PRKD3: variants seen among roughly 807,000 people sequenced by gnomAD.
The protein encoded by PRKD3 is serine/threonine-protein kinase D3.
PRKD3 carries 47 observed loss-of-function variants against 99.2 expected under a neutral mutation model. The observed-to-expected ratio is 0.47, with a 90% CI of 0.38 to 0.60. PRKD3 has a LOEUF of 0.60. PRKD3 is among the 20% of genes least tolerant of loss of function. The pLI, the probability that PRKD3 is intolerant of heterozygous loss-of-function variation, is 0.00. For missense variants in PRKD3, 1,019 were observed against 1,088.4 expected, an observed-to-expected ratio of 0.94 and a Z score of 0.90; for synonymous variants, 392 against 355.4, an observed-to-expected ratio of 1.10 and a Z score of -1.16.
At chr2:37,296,605 C>T (rs775813529) in intron 2 of PRKD3, among the ~76,000 whole-genome samples, 15 of 151,896 alleles carry the variant, frequency 9.9e-5, no homozygotes, top group Non-Finnish European at 1.3e-4. Context: ...TTAGAAATTA[C>T]GTAAGAGTCA....
Position 37,260,333 on chromosome 2 carries a change from C to T in PRKD3, c.1936G>A (p.Glu646Lys). The change falls in exon 15 of 19, where the codon GAA becomes AAA. Residue 646 changes from glutamate (E) to lysine (K), a missense_variant. Transcript: ENST00000234179. ...TTTTCCATTACTACAAAGACTCGTT[C>T]TGGGGTTTCAAACATACATTCCAGG... ...VNLECMFETPERVFVVMEKLH... is the reference protein window; with the variant it reads ...VNLECMFETPKRVFVVMEKLH... 6.2e-7 allele frequency: 1 copy of T among 1,610,618 alleles called. No individual in the cohort carries two copies. Among genetic ancestry groups the T allele is most frequent in the East Asian group, 2.2e-5 (1 of 44,836 alleles).
At chr2:37,301,394 G>A (rs1469420792) in intron 2 of PRKD3, among the ~76,000 whole-genome samples, 1 of 151,060 alleles carries the variant, frequency 6.6e-6, no homozygotes, top group African/African-American at 2.4e-5. Flanking sequence ...TGTATAATTT[G>A]AAAAGGAGAA....
chr2:37,277,805 G>C (rs1014614951), intron 9 of PRKD3, 61 bp downstream of exon 9: 2 of 1,527,274 alleles, frequency 1.3e-6, no homozygotes, highest in Non-Finnish European at 1.8e-6. Flanking sequence ...TTTAAAAAAT[G>C]CACAGAATGA....
At chr2:37,314,574 T>A (rs1382149462) in intron 2 of PRKD3, among the ~76,000 whole-genome samples, 1 of 152,146 alleles carries the variant, frequency 6.6e-6, no homozygotes, top group Admixed American at 6.5e-5. Context: ...CACATATACA[T>A]ATTTCAAAAG....
chr2:37,266,636 G>A (rs1459036209), intron 14 of PRKD3, among the ~76,000 whole-genome samples: 4 of 151,984 alleles, frequency 2.6e-5, no homozygotes, highest in African/African-American at 7.2e-5. Flanking sequence ...ATGGGCATGC[G>A]CCACCGTGCC....
Position 37,260,375 on chromosome 2 carries a change from G to C in PRKD3, c.1894C>G (p.His632Asp). The change falls in exon 15 of 19, where the codon CAT becomes GAT. Residue 632 changes from histidine to aspartate, a missense_variant. This residue lies in a region of PRKD3 where 184 missense variants were observed against 275.1 expected (regional missense o/e 0.67). Transcript: ENST00000234179. ...CATTCCAGGTTTACAATCCCAGGATGGTGCAAATTCTGAAGAGAGGTTGCA... is the reference window on the plus strand; with the variant it reads ...CATTCCAGGTTTACAATCCCAGGATCGTGCAAATTCTGAAGAGAGGTTGCA... ...NEVAILQNLH[H>D]PGIVNLECMF... The C allele has an allele frequency of 6.2e-7, 1 of 1,610,912 alleles. No individual in the cohort carries two copies.
chr2:37,322,785 G>A (rs776993513), intron 1 of PRKD3, among the ~76,000 whole-genome samples: 1 of 152,016 alleles, frequency 6.6e-6, no homozygotes, highest in Non-Finnish European at 1.5e-5. Context: ...TAGCAAGTTC[G>A]ATCTGAATTA....
chr2:37,264,272 C>T (rs900114001), intron 14 of PRKD3, among the ~76,000 whole-genome samples: 4 of 151,974 alleles, frequency 2.6e-5, no homozygotes, highest in African/African-American at 9.7e-5. Flanking sequence ...TTCAATCTAA[C>T]AATGTATTGT....
intron 14 of PRKD3, among the ~76,000 whole-genome samples, chr2:37,264,627 A>G (rs960703475): frequency 2.6e-5 from 4 of 152,148 alleles, no homozygotes; most frequent in African/African-American, 9.7e-5. Context: ...ACATGCAGAT[A>G]TTTGAGGGAG....
chr2:37,306,497 A>G (rs996552789), intron 2 of PRKD3, among the ~76,000 whole-genome samples: 4 of 152,198 alleles, frequency 2.6e-5, no homozygotes, highest in African/African-American at 7.2e-5. Context: ...CATACTCACA[A>G]TAAAAACTGT....
At chr2:37,266,538 G>C (rs1668856119) in intron 14 of PRKD3, among the ~76,000 whole-genome samples, 2 of 151,828 alleles carry the variant, frequency 1.3e-5, no homozygotes, top group Middle Eastern at 6.8e-3. Context: ...CCAGGCTGGA[G>C]TGCAATGGCA....
At chr2:37,308,591 A>AAT (rs1671273659) in intron 2 of PRKD3, among the ~76,000 whole-genome samples, 1 of 130,410 alleles carries the variant, frequency 7.7e-6, no homozygotes, top group Non-Finnish European at 1.6e-5. Context: ...AGTAGTTGGG[A>AAT]TTATAGGCAC....
At chr2:37,304,421 C>T (rs1476586025) in intron 2 of PRKD3, among the ~76,000 whole-genome samples, 1 of 152,062 alleles carries the variant, frequency 6.6e-6, no homozygotes, top group Non-Finnish European at 1.5e-5. Flanking sequence ...CATCATTAAC[C>T]TGAACCCAGA....
chr2:37,278,036 T>C, intron 8 of PRKD3, 47 bp from the exon 9 acceptor site: 1 of 1,522,402 alleles, frequency 6.6e-7, no homozygotes, highest in Non-Finnish European at 9.0e-7. Context: ...TTTTAAAAAA[T>C]CATATAAATA....
chr2:37,321,604 T>G (rs866695281), intron 1 of PRKD3, among the ~76,000 whole-genome samples: 1 of 152,240 alleles, frequency 6.6e-6, no homozygotes, highest in Non-Finnish European at 1.5e-5. Context: ...TGAGAGACAC[T>G]GGAGTTATAG....
chr2:37,310,208 TC>T (rs1442065091), intron 2 of PRKD3, among the ~76,000 whole-genome samples: 1 of 152,214 alleles, frequency 6.6e-6, no homozygotes, highest in African/African-American at 2.4e-5. Context: ...TTCTAATAAA[TC>T]TTCAACAGAG....
rs369504491 is a variant in PRKD3, at chr2:37,256,628, A to T, written c.2413+34T>A. 1,068 of 1,201,646 alleles carry T rather than the reference A, an allele frequency of 8.9e-4. 7 individuals are homozygous for T. Among genetic ancestry groups the T allele is most frequent in the African/African-American group, 7.8e-3 (444 of 56,646 alleles). 74.4% of individuals were successfully genotyped at this position (1,201,646 alleles called of 1,614,324 possible). On this transcript the variant is annotated intron_variant, in intron 17 of 18. Transcript: ENST00000234179. ...TTTAGGCTTAAAACACATAGCCAAA[A>T]TTTTTTTTTTTTTTTTTTTTTTTTT...
At chr2:37,279,532 A>AC (rs1669736860) in intron 8 of PRKD3, 2 of 349,096 alleles carry the variant, frequency 5.7e-6, no homozygotes, top group South Asian at 1.2e-4. Flanking sequence ...AAAAAAAAAA[A>AC]ACAAGGATTC....
At chr2:37,269,966 G>A (rs767163631) in intron 12 of PRKD3, among the ~76,000 whole-genome samples, 8 of 152,278 alleles carry the variant, frequency 5.3e-5, no homozygotes, top group Non-Finnish European at 8.8e-5. Context: ...GGTGGCTCAC[G>A]CCTGTAATCC....
Sources: allele counts gnomAD v4.1 joint callset (sites outside exome capture counted in the v4.1 genomes callset), GRCh38; gene constraint gnomAD v4.1.1; regional missense constraint gnomAD v4.1.1; transcripts MANE v1.5; gene names NCBI Gene and HGNC (gene_info 2026-07-23, HGNC 2026-07-21).